GPC6: variants seen among roughly 807,000 people sequenced by gnomAD.
GPC6 encodes glypican-6.
In GPC6, 14 loss-of-function variants were observed where a neutral mutation model predicts 55.2. That is an observed-to-expected ratio of 0.25 (90% confidence interval 0.17 to 0.40). GPC6 has a LOEUF of 0.40. Ranked by LOEUF, GPC6 falls within the 10% of genes least tolerant of loss-of-function variation. GPC6 has a pLI of 1.00. For missense variants in GPC6, 641 were observed against 708.5 expected (o/e 0.90, Z 1.08); for synonymous variants, 278 against 259.6 (o/e 1.07, Z -0.68).
rs1414534059 is a variant in GPC6 at position 93,661,923 on chromosome 13, GC to G, written c.319+116504del. On this transcript the variant is annotated intron_variant, in intron 2 of 8. Coordinates refer to ENST00000377047, the MANE Select transcript of GPC6 (RefSeq NM_005708.5). ...TCAGATAACTCCAGAGTTCTTTTGT[GC>G]CTGGGCCAGCTATTTTTCAATGAGA... Among the ~76,000 whole-genome samples the G allele has an allele frequency of 2.0e-5, 3 of 152,130 alleles. No homozygotes were observed. In the East Asian group the frequency reaches 5.8e-4, roughly 29 times the overall value.
intron 3 of GPC6, among the ~76,000 whole-genome samples, chr13:93,860,765 A>G (rs1427991459): frequency 6.6e-6 from 1 of 151,702 alleles, no homozygotes; most frequent in East Asian, 2.0e-4. Context: ...TTGATCCTTA[A>G]CTATCTTTAT....
intron 1 of GPC6, among the ~76,000 whole-genome samples, chr13:93,344,485 G>T (rs1880366565): frequency 6.6e-6 from 1 of 152,092 alleles, no homozygotes; most frequent in Non-Finnish European, 1.5e-5. Flanking sequence ...CTATTTTCCA[G>T]GTCTCTGGTT....
Position 93,684,675 on chromosome 13 carries a change from C to T in GPC6, c.319+139254C>T, listed in dbSNP as rs1278669702. On this transcript the variant is annotated intron_variant, in intron 2 of 8. Coordinates refer to ENST00000377047, the MANE Select transcript of GPC6 (RefSeq NM_005708.5). ...TTTATTTTTTTCACCTTTATATTCC[C>T]AGCTCTAAGAACAGTACCTGACACT... Among the ~76,000 whole-genome samples the T allele has an allele frequency of 2.6e-5, 4 of 152,104 alleles. No individual in the cohort carries two copies. The East Asian group carries it at 7.7e-4, about 29-fold the overall frequency.
intron 1 of GPC6, among the ~76,000 whole-genome samples, chr13:93,387,064 G>T (rs545933099): frequency 6.6e-6 from 1 of 151,910 alleles, no homozygotes; most frequent in South Asian, 2.1e-4. Context: ...TGTGGTTTCA[G>T]GTGGACATAA....
chr13:94,339,140 G>A (rs554724177), intron 6 of GPC6, among the ~76,000 whole-genome samples: 7 of 151,764 alleles, frequency 4.6e-5, no homozygotes, highest in Admixed American at 1.3e-4. Flanking sequence ...ACACAGCTCC[G>A]TGCAGCCTCA....
chr13:93,553,032 C>A (rs768930295), intron 2 of GPC6, among the ~76,000 whole-genome samples: 1 of 152,170 alleles, frequency 6.6e-6, no homozygotes, highest in Non-Finnish European at 1.5e-5. Flanking sequence ...CACAGTAGCT[C>A]AGTAGACTGG....
intron 1 of GPC6, among the ~76,000 whole-genome samples, chr13:93,299,309 A>G (rs555575629): frequency 1.3e-5 from 2 of 152,352 alleles, no homozygotes; most frequent in South Asian, 4.1e-4. Context: ...ACTGTTTTGA[A>G]TGTTTGTGGG....
At chr13:93,705,362 A>G (rs1882813787) in intron 2 of GPC6, among the ~76,000 whole-genome samples, 1 of 151,978 alleles carries the variant, frequency 6.6e-6, no homozygotes, top group Non-Finnish European at 1.5e-5. Flanking sequence ...AGAAACTTTT[A>G]TAGCAGCATG....
At chr13:94,025,122 A>C (rs1330314544) in intron 3 of GPC6, among the ~76,000 whole-genome samples, 3 of 152,232 alleles carry the variant, frequency 2.0e-5, no homozygotes, top group Non-Finnish European at 4.4e-5. Flanking sequence ...ACTGAGTGAG[A>C]AGCACAGCAT....
intron 1 of GPC6, among the ~76,000 whole-genome samples, chr13:93,342,799 T>C (rs891400370): frequency 6.6e-6 from 1 of 152,178 alleles, no homozygotes; most frequent in African/African-American, 2.4e-5. Context: ...GGAACTTAAA[T>C]ATAATGGCAA....
chr13:93,352,247 T>C (rs1880657354), intron 1 of GPC6, among the ~76,000 whole-genome samples: 2 of 152,214 alleles, frequency 1.3e-5, no homozygotes, highest in Non-Finnish European at 2.9e-5. Flanking sequence ...AATTTCACTT[T>C]AGTAAATTAT....
intron 3 of GPC6, among the ~76,000 whole-genome samples, chr13:93,995,978 C>G (rs1359466211): frequency 6.6e-6 from 1 of 152,076 alleles, no homozygotes; most frequent in Non-Finnish European, 1.5e-5. Flanking sequence ...CCTAAGAAAA[C>G]TTACATTGTT....
In GPC6 at chr13:93,246,747, G is replaced by A. The variant is rs187148752; in HGVS notation, c.160+19131G>A. On this transcript the variant is annotated intron_variant, in intron 1 of 8. Transcript: ENST00000377047. ...GCGGAGCTTGCAGTGAGCCGAGATT[G>A]TGCCACTGCATTCAGGCCTGGGCGG... Among the ~76,000 whole-genome samples, 13 of 123,278 alleles carry A rather than the reference G, an allele frequency of 1.1e-4. No homozygotes were observed. In the East Asian group the frequency reaches 3.5e-3, roughly 33 times the overall value. 80.9% of individuals were successfully genotyped at this position (123,278 alleles called of 152,430 possible).
At chr13:93,775,656 C>CA (rs1205553831) in intron 2 of GPC6, among the ~76,000 whole-genome samples, 1 of 152,156 alleles carries the variant, frequency 6.6e-6, no homozygotes, top group Non-Finnish European at 1.5e-5. Flanking sequence ...CCTTTGAAAG[C>CA]TCAGGGTTGA....
At chr13:93,231,330 C>CATATATATATATAT (rs1566533178) in intron 1 of GPC6, among the ~76,000 whole-genome samples, 2 of 23,348 alleles carry the variant, frequency 8.6e-5, no homozygotes, top group Non-Finnish European at 1.5e-4. Flanking sequence ...TATATATATA[C>CATATATATATATAT]GTATATATAT....
intron 1 of GPC6, among the ~76,000 whole-genome samples, chr13:93,297,961 G>A (rs1328931806): frequency 6.6e-6 from 1 of 152,102 alleles, no homozygotes; most frequent in Non-Finnish European, 1.5e-5. Flanking sequence ...CACCACAATT[G>A]GCTTGATAAA....
chr13:93,489,068 T>A (rs141806218), intron 1 of GPC6, among the ~76,000 whole-genome samples: 28,879 of 151,484 alleles, frequency 0.19, 2,975 homozygotes, highest in Middle Eastern at 0.26. Flanking sequence ...TGAATTGTAT[T>A]GCCTAGGTTT....
intron 1 of GPC6, among the ~76,000 whole-genome samples, chr13:93,280,571 G>A (rs1877916524): frequency 6.6e-6 from 1 of 152,212 alleles, no homozygotes; most frequent in Admixed American, 6.5e-5. Context: ...AATATCAGTT[G>A]AAGCATGGTG....
intron 3 of GPC6, among the ~76,000 whole-genome samples, chr13:93,850,239 C>A (rs1218516866): frequency 2.6e-5 from 4 of 151,946 alleles, no homozygotes; most frequent in African/African-American, 7.2e-5. Context: ...TTATTGAACA[C>A]CAACTCTTTG....
Sources: gnomAD v4.1 joint callset for allele counts (sites outside exome capture counted in the v4.1 genomes callset) on GRCh38, gnomAD v4.1.1 for gene constraint, MANE v1.5 for transcripts, NCBI Gene and HGNC (gene_info 2026-07-23, HGNC 2026-07-21) for gene names.